ZBTB38: variants seen among roughly 807,000 people sequenced by gnomAD.
ZBTB38 encodes zinc finger and BTB domain containing 38.
A neutral mutation model predicts 76.8 loss-of-function variants in ZBTB38; 20 were observed. The ratio of observed to expected loss-of-function variants is 0.26; its 90% CI spans 0.18 to 0.38. The LOEUF (loss-of-function observed/expected upper bound fraction) is 0.38. ZBTB38 is among the 10% of genes least tolerant of loss of function. The pLI is 1.00. For synonymous variants in ZBTB38, 504 were observed against 544.2 expected (o/e 0.93, Z 1.03); for missense variants, 1,082 against 1,482.3 (o/e 0.73, Z 4.43).
chr3:141,397,378 G>A (rs1049435368), intron 4 of ZBTB38, among the ~76,000 whole-genome samples: 6 of 151,730 alleles, frequency 4.0e-5, no homozygotes, highest in Middle Eastern at 3.2e-3. Context: ...GTTGTGGCTC[G>A]TTTGATCCTG....
chr3:141,374,583 C>A (rs751719185), intron 2 of ZBTB38, among the ~76,000 whole-genome samples: 1 of 151,968 alleles, frequency 6.6e-6, no homozygotes, highest in Non-Finnish European at 1.5e-5. Flanking sequence ...CCATTCTCTC[C>A]TTTTTAAAAA....
rs1017338951 is a variant in ZBTB38 at position 141,446,220 on chromosome 3, A to C, written c.*244A>C. ...TCCAATATCCCAAGTTTCTTGTGAA[A>C]GTTAATAAAATTCTTAGCTGTGGTA... On this transcript the variant is annotated 3_prime_UTR_variant, in exon 6 of 6. Coordinates refer to ENST00000321464, the MANE Select transcript of ZBTB38 (RefSeq NM_001376113.1). 2 of 323,958 alleles carry C rather than the reference A, an allele frequency of 6.2e-6. No individual in the cohort carries two copies. Among genetic ancestry groups the C allele is most frequent in the South Asian group, 1.7e-4 (2 of 11,568 alleles). 20.1% of individuals were successfully genotyped at this position (323,958 alleles called of 1,614,324 possible).
rs200188279 is a variant in ZBTB38, at chr3:141,443,247, G to T, written c.859G>T (p.Val287Leu). The T allele has an allele frequency of 6.2e-7, 1 of 1,614,206 alleles. No homozygotes were observed. The highest frequency in any genetic ancestry group is 1.3e-5 in the African/African-American group (1 of 75,052). Residue 287 changes from valine to leucine, a missense_variant, in exon 6 of 6, where the codon GTA (valine) becomes TTA (leucine). This residue lies in a region of ZBTB38 where 324 missense variants were observed against 359.1 expected (regional missense o/e 0.90). Coordinates refer to ENST00000321464, the MANE Select transcript of ZBTB38 (RefSeq NM_001376113.1). The surrounding 1 kb of genome is among the most constrained non-coding windows in gnomAD (Gnocchi z 5.6). ...SATENIPPPPVSNLEVNQERS... is the reference protein window; with the variant it reads ...SATENIPPPPLSNLEVNQERS... ...CACAGAAAATATACCACCCCCTCCA[G>T]TATCCAACTTAGAGGTTAATCAAGA...
chr3:141,375,670 G>A (rs767159725), intron 2 of ZBTB38, among the ~76,000 whole-genome samples: 18 of 152,272 alleles, frequency 1.2e-4, no homozygotes, highest in Admixed American at 2.0e-4. Context: ...CCAAGACAGC[G>A]GAGCAGGGTC....
chr3:141,364,675 C>CTAAAAA, upstream of ZBTB38, among the ~76,000 whole-genome samples: 1 of 12,100 alleles, frequency 8.3e-5, no homozygotes, highest in Non-Finnish European at 1.6e-4. Flanking sequence ...GAAACTACAT[C>CTAAAAA]TAAAAAAAAA....
chr3:141,445,956 G>A lies in ZBTB38; in HGVS notation c.3568G>A (p.Val1190Met). The stretch of plus-strand genomic sequence containing the variant: ...CCAAAAGGATAACATACAAACCGGT[G>A]TGGAAAATGTTGTCCTTTGAGTGGC... ...NDQKDNIQTG[V>M]ENVVL The change falls in exon 6 of 6, where the codon GTG (valine) becomes ATG (methionine). Residue 1190 changes from valine to methionine, a missense_variant. Physicochemically the swap from Val to Met is conservative, Grantham distance 21. Around this residue, in one of 8 missense-constraint regions of ZBTB38, gnomAD observed 54 missense variants for 57.9 expected, o/e 0.93. Transcript: ENST00000321464. The surrounding 1 kb of genome is among the most constrained non-coding windows in gnomAD (Gnocchi z 6.5). 6.3e-7 allele frequency: 1 copy of A among 1,583,006 alleles called. No individual in the cohort carries two copies. Among genetic ancestry groups the A allele is most frequent in the South Asian group, 1.1e-5 (1 of 89,292 alleles).
chr3:141,327,449 C>T (rs905952485), intron 1 of ZBTB38, among the ~76,000 whole-genome samples: 4 of 152,256 alleles, frequency 2.6e-5, no homozygotes, highest in Non-Finnish European at 4.4e-5. Flanking sequence ...CCAGTCCAAC[C>T]GTGAGAAAAA....
chr3:141,422,004 C>G (rs1172142695), intron 5 of ZBTB38, among the ~76,000 whole-genome samples: 1 of 152,188 alleles, frequency 6.6e-6, no homozygotes, highest in Non-Finnish European at 1.5e-5. Flanking sequence ...AAAACACAAC[C>G]CTGAAAAAGC....
chr3:141,346,782 T>TTTTTTTTGTG (rs150173767), intron 1 of ZBTB38, among the ~76,000 whole-genome samples: 2 of 144,560 alleles, frequency 1.4e-5, no homozygotes. Context: ...TTGTTTTGTT[T>TTTTTTTTGTG]TGTGTGTGTG....
At chr3:141,340,951 AAAG>A (rs1443044539) in intron 1 of ZBTB38, among the ~76,000 whole-genome samples, 4 of 131,894 alleles carry the variant, frequency 3.0e-5, no homozygotes, top group African/African-American at 9.1e-5. Flanking sequence ...AGAAAGAAGG[AAAG>A]AAAGAAAGAA....
intron 4 of ZBTB38, chr3:141,387,891 G>A (rs149074858): frequency 6.6e-5 from 10 of 152,276 alleles, no homozygotes; most frequent in African/African-American, 1.7e-4. Flanking sequence ...CATACAGGTA[G>A]GTTGAAATTT....
chr3:141,426,258 C>A, intron 5 of ZBTB38: 1 of 1,144,698 alleles, frequency 8.7e-7, no homozygotes, highest in Non-Finnish European at 1.2e-6. Context: ...CAAAAGCACA[C>A]CTGCCCAGAC....
chr3:141,412,660 T>C (rs1456259764), intron 5 of ZBTB38, among the ~76,000 whole-genome samples: 1 of 152,156 alleles, frequency 6.6e-6, no homozygotes, highest in East Asian at 1.9e-4. Flanking sequence ...ACCAGGTGAA[T>C]AGGGGAACTA....
intron 5 of ZBTB38, among the ~76,000 whole-genome samples, chr3:141,416,033 C>A (rs2073956614): frequency 6.6e-6 from 1 of 152,046 alleles, no homozygotes; most frequent in Non-Finnish European, 1.5e-5. Context: ...TTATGGGACC[C>A]TTGTAGGTGG....
At chr3:141,379,737 A>C (rs1945928846) in intron 2 of ZBTB38, among the ~76,000 whole-genome samples, 1 of 152,218 alleles carries the variant, frequency 6.6e-6, no homozygotes, top group South Asian at 2.1e-4. Context: ...TTTTCTTTGC[A>C]AACCAAAGAG....
At chr3:141,429,325 T>TG (rs2150416980) in intron 5 of ZBTB38, among the ~76,000 whole-genome samples, 1 of 129,888 alleles carries the variant, frequency 7.7e-6, no homozygotes, top group East Asian at 2.2e-4. Context: ...GGTTGCCTTT[T>TG]GGGGGATCGT....
chr3:141,402,972 A>C (rs2871960), intron 4 of ZBTB38: 81,293 of 152,210 alleles, frequency 0.53, 24,289 homozygotes, highest in African/African-American at 0.82. Context: ...AAAGGCAGGG[A>C]CCTGCCCCCA....
At chr3:141,396,633 C>T in intron 4 of ZBTB38, 1 of 164,944 alleles carries the variant, frequency 6.1e-6, no homozygotes, top group Non-Finnish European at 1.3e-5. Flanking sequence ...CTGTCTATGG[C>T]AGTTATAGCC....
intron 1 of ZBTB38, among the ~76,000 whole-genome samples, chr3:141,337,060 C>A (rs1277190203): frequency 2.6e-5 from 4 of 152,212 alleles, no homozygotes; most frequent in Non-Finnish European, 4.4e-5. Flanking sequence ...TCCTTTGACG[C>A]CCACTTCCAG....
Sources: gnomAD v4.1 joint callset for allele counts (sites outside exome capture counted in the v4.1 genomes callset) on GRCh38, gnomAD v4.1.1 for gene constraint, gnomAD v4.1.1 regional missense constraint, Gnocchi (gnomAD v3.1) non-coding constraint, MANE v1.5 for transcripts, NCBI Gene and HGNC (gene_info 2026-07-23, HGNC 2026-07-21) for gene names.